PTPRA: variants seen among roughly 807,000 people sequenced by gnomAD.
The protein encoded by PTPRA is protein tyrosine phosphatase receptor type A, also known as receptor-type tyrosine-protein phosphatase alpha.
In PTPRA, 25 loss-of-function variants were observed where a neutral mutation model predicts 104.8. The observed-to-expected ratio is 0.24, with a 90% CI of 0.17 to 0.33. The LOEUF (loss-of-function observed/expected upper bound fraction) is 0.33, where lower values mean the gene tolerates loss of function less well. Ranked by LOEUF, PTPRA falls within the 10% of genes least tolerant of loss-of-function variation. The probability of loss-of-function intolerance (pLI) is 1.00; values close to 1 mark genes in which losing one functional copy is unlikely to be tolerated. For missense variants in PTPRA, 765 were observed against 1,015.3 expected (o/e 0.75, Z 3.35); for synonymous variants, 323 against 368.9 (o/e 0.88, Z 1.43).
chr20:3,038,005 G>C, intron 23 of PTPRA, 54 bp from the exon 24 acceptor site: 13 of 1,421,446 alleles, frequency 9.1e-6, no homozygotes, highest in Non-Finnish European at 1.3e-5. Context: ...AGGAATTACA[G>C]GTACTGTGTG....
intron 1 of PTPRA, among the ~76,000 whole-genome samples, chr20:2,891,597 C>A (rs1181566574): frequency 6.6e-6 from 1 of 150,834 alleles, no homozygotes; most frequent in Non-Finnish European, 1.5e-5. Flanking sequence ...TCTGTCAAGT[C>A]ACTTATTGTA....
chr20:2,917,421 T>C (rs141782117), intron 1 of PTPRA, among the ~76,000 whole-genome samples: 1 of 152,290 alleles, frequency 6.6e-6, no homozygotes, highest in East Asian at 1.9e-4. Flanking sequence ...CTTCCTACCC[T>C]TCTCCTATTT....
rs559251833 is a variant in PTPRA at position 2,951,762 on chromosome 20, T to C, written c.-7+3738T>C. Among the ~76,000 whole-genome samples the C allele has an allele frequency of 2.6e-5, 4 of 152,340 alleles. No individual in the cohort carries two copies. The South Asian group carries it at 8.3e-4, about 32-fold the overall frequency. ...GCCCCTGCATGGCATGGTGTGCACC[T>C]TCCTCTTCGGAACTGCGAGTAACTG... is the stretch of plus-strand genomic sequence containing the variant. On this transcript the variant is annotated intron_variant, in intron 3 of 23. Coordinates refer to ENST00000399903, the MANE Select transcript of PTPRA (RefSeq NM_001385305.1).
At position 3,026,008 on chromosome 20, in the gene PTPRA, C is replaced by T. The variant is rs1348895296; in HGVS notation, c.1615-679C>T. 5.3e-5 allele frequency among the ~76,000 whole-genome samples: 8 copies of T among 150,982 alleles called. No individual in the cohort carries two copies. In the South Asian group the frequency reaches 6.3e-4, roughly 12 times the overall value. ...TCACCCGGGCTGGGGTGCAATGGCG[C>T]GATCTCAGCTCACTGCAACCTCTGC... On this transcript the variant is annotated intron_variant, in intron 17 of 23. Coordinates refer to ENST00000399903, the MANE Select transcript of PTPRA (RefSeq NM_001385305.1).
chr20:2,875,826 G>A (rs2089681873), intron 1 of PTPRA, among the ~76,000 whole-genome samples: 1 of 152,176 alleles, frequency 6.6e-6, no homozygotes, highest in South Asian at 2.1e-4. Flanking sequence ...GCCAGGCTGT[G>A]TAGGGAGCAT....
upstream of PTPRA, among the ~76,000 whole-genome samples, chr20:2,870,738 C>G (rs1250761105): frequency 6.6e-6 from 1 of 152,194 alleles, no homozygotes; most frequent in South Asian, 2.1e-4. Flanking sequence ...CTCTCCTGAT[C>G]CTCTCCTTTG....
At chr20:2,906,749 C>T (rs980928274) in intron 1 of PTPRA, among the ~76,000 whole-genome samples, 3 of 152,138 alleles carry the variant, frequency 2.0e-5, no homozygotes, top group African/African-American at 7.2e-5. Flanking sequence ...GACATGTCTT[C>T]ACACATACAT....
intron 9 of PTPRA, among the ~76,000 whole-genome samples, chr20:2,996,036 G>A (rs1035961965): frequency 6.6e-6 from 1 of 152,164 alleles, no homozygotes; most frequent in Non-Finnish European, 1.5e-5. Context: ...TCTGAACCCA[G>A]TAACATCACC....
intron 13 of PTPRA, 118 bp from the exon 14 acceptor site, chr20:3,021,191 T>G: frequency 2.8e-6 from 4 of 1,410,512 alleles, no homozygotes; most frequent in Non-Finnish European, 3.9e-6. Flanking sequence ...AGAGAAGAGG[T>G]CAAAGGGCCT....
chr20:2,911,879 GA>G (rs1009160853), intron 1 of PTPRA, among the ~76,000 whole-genome samples: 105 of 150,104 alleles, frequency 7.0e-4, no homozygotes, highest in African/African-American at 2.4e-3. Context: ...GGAAGTCAGT[GA>G]AAAAAAAAGA....
intron 9 of PTPRA, among the ~76,000 whole-genome samples, chr20:3,001,913 C>T (rs2063644942): frequency 6.6e-6 from 1 of 152,216 alleles, no homozygotes; most frequent in South Asian, 2.1e-4. Context: ...AATATATTTG[C>T]TCCTTTCTTA....
At chr20:2,934,395 G>C (rs191411798) in intron 2 of PTPRA, among the ~76,000 whole-genome samples, 37 of 152,118 alleles carry the variant, frequency 2.4e-4, no homozygotes, top group East Asian at 1.9e-3. Flanking sequence ...ATGAGCCACC[G>C]GGTATTTTTT....
At chr20:2,939,115 C>T (rs2060811047) in intron 2 of PTPRA, among the ~76,000 whole-genome samples, 1 of 152,198 alleles carries the variant, frequency 6.6e-6, no homozygotes, top group South Asian at 2.1e-4. Flanking sequence ...ATGGTCTGTG[C>T]TACCGAAAGG....
intron 6 of PTPRA, among the ~76,000 whole-genome samples, chr20:2,982,728 G>A (rs1391605088): frequency 2.0e-5 from 3 of 149,974 alleles, no homozygotes; most frequent in African/African-American, 4.9e-5. Flanking sequence ...ACAGAGTCTC[G>A]CTCTATTGCC....
chr20:2,991,297 G>A (rs1426146418), intron 9 of PTPRA, among the ~76,000 whole-genome samples: 5 of 151,912 alleles, frequency 3.3e-5, no homozygotes, highest in African/African-American at 4.8e-5. Context: ...CCTGGGAGGC[G>A]GAGGTTGCAG....
At chr20:2,988,300 C>T in intron 8 of PTPRA, 38 bp from the exon 9 acceptor site, 1 of 1,570,288 alleles carries the variant, frequency 6.4e-7, no homozygotes, top group Non-Finnish European at 8.6e-7. Context: ...GCTAGGTTCT[C>T]AGGGTACCTG....
Position 2,905,525 on chromosome 20 carries a change from A to G in PTPRA, c.-128-17682A>G, listed in dbSNP as rs1279857817. On this transcript the variant is annotated intron_variant, in intron 1 of 23. Coordinates refer to ENST00000399903, the MANE Select transcript of PTPRA (RefSeq NM_001385305.1). The stretch of plus-strand genomic sequence containing the variant: ...TTTATAATTTAATTAAACATTAACT[A>G]ATGAAATATGACTGCAAAAAGTAGT... 2.6e-5 allele frequency among the ~76,000 whole-genome samples: 4 copies of G among 152,258 alleles called. No individual in the cohort carries two copies. In the East Asian group the frequency reaches 7.7e-4, roughly 29 times the overall value.
intron 20 of PTPRA, among the ~76,000 whole-genome samples, chr20:3,032,708 A>G (rs12151862): frequency 0.29 from 43,247 of 150,724 alleles, 7,453 homozygotes; most frequent in East Asian, 0.43. Context: ...GAAGGTTGCA[A>G]TGAGCCAAGA....
At chr20:3,007,304 AATTTTG>A in intron 10 of PTPRA, 34 bp from the exon 11 acceptor site, 1 of 1,585,346 alleles carries the variant, frequency 6.3e-7, no homozygotes, top group Non-Finnish European at 8.7e-7. Context: ...GTGAGAAATA[AATTTTG>A]ATTTTACTGA....
Sources: gnomAD v4.1 joint callset for allele counts (sites outside exome capture counted in the v4.1 genomes callset) on GRCh38, gnomAD v4.1.1 for gene constraint, MANE v1.5 for transcripts, NCBI Gene and HGNC (gene_info 2026-07-23, HGNC 2026-07-21) for gene names.